The following FBXW11 variants were observed in gnomAD, a reference collection of about 807,000 sequenced individuals.
FBXW11 encodes F-box/WD repeat-containing protein 11.
In FBXW11, 19 loss-of-function variants were observed where a neutral mutation model predicts 77.6. The observed-to-expected ratio is 0.24, with a 90% CI of 0.17 to 0.36. The LOEUF is 0.36. Ranked by LOEUF, FBXW11 falls within the 10% of genes least tolerant of loss-of-function variation. The pLI, the probability that FBXW11 is intolerant of heterozygous loss-of-function variation, is 1.00. For synonymous variants in FBXW11, 235 were observed against 249.4 expected (o/e 0.94, Z 0.54); for missense variants, 334 against 704.2 (o/e 0.47, Z 5.95).
chr5:171,960,305 G>A (rs1340234090), intron 1 of FBXW11, among the ~76,000 whole-genome samples: 2 of 152,168 alleles, frequency 1.3e-5, no homozygotes, highest in Non-Finnish European at 2.9e-5. Flanking sequence ...AGCTTGGAAG[G>A]TGGAGGTTGC....
intron 1 of FBXW11, among the ~76,000 whole-genome samples, chr5:171,970,996 T>C (rs7722314): frequency 0.86 from 131,100 of 152,202 alleles, 57,754 homozygotes; most frequent in East Asian, 1. Flanking sequence ...TCACATTGTT[T>C]GAATCCTGCA....
intron 12 of FBXW11, among the ~76,000 whole-genome samples, 163 bp from the exon 13 acceptor site, chr5:171,868,959 T>C (rs1414485517): frequency 9.2e-5 from 14 of 152,242 alleles, no homozygotes; most frequent in Non-Finnish European, 1.9e-4. Context: ...GAACAAATGT[T>C]CTTCTTTCTT....
chr5:171,864,031 T>C lies in FBXW11; in HGVS notation c.*96A>G, dbSNP rs1375650969. 1 of 152,146 alleles carries C rather than the reference T, an allele frequency of 6.6e-6. No homozygotes were observed. Among genetic ancestry groups the C allele is most frequent in the Non-Finnish European group, 1.5e-5 (1 of 68,010 alleles). 9.4% of individuals were successfully genotyped at this position (152,146 alleles called of 1,614,324 possible). A position where few individuals can be genotyped will look rare whatever the true frequency, so the allele number is the denominator to read the frequency against. Reference sequence around the variant, plus strand: ...GCGTCTAGAACCAATTCCAGCTTCATAACTCAGCTGTGAACGAACTCCCTT... The same window carrying C: ...GCGTCTAGAACCAATTCCAGCTTCACAACTCAGCTGTGAACGAACTCCCTT... On this transcript the variant is annotated 3_prime_UTR_variant, in exon 14 of 14. Coordinates refer to ENST00000517395, the MANE Select transcript of FBXW11 (RefSeq NM_001378974.1).
At chr5:171,948,816 A>C (rs1763155683) in intron 2 of FBXW11, among the ~76,000 whole-genome samples, 2 of 152,212 alleles carry the variant, frequency 1.3e-5, no homozygotes. Flanking sequence ...GTGAAACCTT[A>C]ATCTATCATA....
chr5:171,915,465 G>T (rs839293), intron 2 of FBXW11, among the ~76,000 whole-genome samples: 10,374 of 152,156 alleles, frequency 0.068, 906 homozygotes, highest in African/African-American at 0.21. Context: ...AAATACCAAT[G>T]TAGGTAATGA....
chr5:171,992,600 T>C (rs916358146), intron 1 of FBXW11, among the ~76,000 whole-genome samples: 4 of 152,162 alleles, frequency 2.6e-5, no homozygotes, highest in Admixed American at 1.3e-4. Flanking sequence ...ACATGACATA[T>C]GATCTCAGGT....
intron 7 of FBXW11, among the ~76,000 whole-genome samples, chr5:171,879,107 G>C (rs1159862360): frequency 6.6e-6 from 1 of 152,158 alleles, no homozygotes; most frequent in Non-Finnish European, 1.5e-5. Flanking sequence ...AAAATGTTGT[G>C]AACAGTTGTT....
chr5:171,884,487 T>G (rs1009608350), intron 7 of FBXW11, among the ~76,000 whole-genome samples: 40 of 152,226 alleles, frequency 2.6e-4, no homozygotes, highest in Admixed American at 3.9e-4. Flanking sequence ...TGCCTCCAGA[T>G]TTATTCTTTT....
At chr5:171,928,670 G>A (rs1230716893) in intron 2 of FBXW11, among the ~76,000 whole-genome samples, 1 of 152,166 alleles carries the variant, frequency 6.6e-6, no homozygotes, top group African/African-American at 2.4e-5. Flanking sequence ...TATGATAAAG[G>A]TCATATAATG....
At chr5:171,902,710 A>G (rs1269491954) in intron 4 of FBXW11, among the ~76,000 whole-genome samples, 6 of 152,246 alleles carry the variant, frequency 3.9e-5, no homozygotes, top group Non-Finnish European at 8.8e-5. Flanking sequence ...ATAGTTCTGC[A>G]TACTGATTTT....
At chr5:171,944,129 C>A (rs577054798) in intron 2 of FBXW11, among the ~76,000 whole-genome samples, 1 of 152,082 alleles carries the variant, frequency 6.6e-6, no homozygotes, top group South Asian at 2.1e-4. Context: ...AAGACAATGT[C>A]AAATTATGCT....
At chr5:171,866,713 T>G (rs1409201256) in intron 13 of FBXW11, among the ~76,000 whole-genome samples, 1 of 152,222 alleles carries the variant, frequency 6.6e-6, no homozygotes. Context: ...AGTTTTTACT[T>G]GGGTCCATTC....
Position 171,869,805 on chromosome 5 carries a change from T to C in FBXW11, c.1454A>G (p.Lys485Arg). ...AGCTTGCAAGTCCCAAACTTTAATT[T>C]TCCTAGAAAGGAAAATGAGATGTGA... ...KRIVSGAYDG[K>R]IKVWDLQAAL... is the part of the protein sequence containing the mutation. Residue 485 changes from lysine to arginine, a missense_variant and splice_region_variant, in exon 12 of 14, where the codon AAA (lysine) becomes AGA (arginine). Physicochemically the swap from Lys to Arg is conservative, Grantham distance 26. Around this residue, in one of 10 missense-constraint regions of FBXW11, gnomAD observed 30 missense variants for 50.7 expected, o/e 0.59. Transcript: ENST00000517395. This position sits in a 1 kb window ranked among gnomAD's most constrained non-coding sequence, Gnocchi z 4.1. The C allele has an allele frequency of 6.2e-7, 1 of 1,604,704 alleles. No individual in the cohort carries two copies. The highest frequency in any genetic ancestry group is 8.5e-7 in the Non-Finnish European group (1 of 1,174,884).
intron 2 of FBXW11, among the ~76,000 whole-genome samples, chr5:171,917,559 T>C (rs1035318914): frequency 1.1e-4 from 17 of 152,314 alleles, no homozygotes; most frequent in African/African-American, 4.1e-4. Flanking sequence ...GCTGCAATAG[T>C]TCTCCCATCC....
intron 2 of FBXW11, chr5:171,916,345 C>T (rs839294): frequency 0.93 from 567,375 of 609,300 alleles, 264,304 homozygotes; most frequent in East Asian, 1. Flanking sequence ...TCCAGATGGC[C>T]GCCTATGGGG....
intron 2 of FBXW11, among the ~76,000 whole-genome samples, chr5:171,948,290 T>C (rs368134864): frequency 2.1e-5 from 3 of 142,094 alleles, no homozygotes; most frequent in East Asian, 2.1e-4. Flanking sequence ...TATAAACCTA[T>C]ATAAAAACAA....
intron 1 of FBXW11, among the ~76,000 whole-genome samples, chr5:171,975,703 CAG>C (rs1450305248): frequency 5.3e-5 from 8 of 152,116 alleles, no homozygotes; most frequent in Non-Finnish European, 7.4e-5. Context: ...TTAAAAGAAA[CAG>C]GGGGTGTAAA....
chr5:171,891,990 T>C (rs376664579), intron 6 of FBXW11, among the ~76,000 whole-genome samples: 10 of 152,320 alleles, frequency 6.6e-5, no homozygotes, highest in African/African-American at 2.4e-4. Flanking sequence ...ACAATCTACA[T>C]ATCCAAACAA....
intron 1 of FBXW11, among the ~76,000 whole-genome samples, chr5:172,003,742 T>C (rs1766559496): frequency 6.6e-6 from 1 of 152,208 alleles, no homozygotes. Flanking sequence ...TTAACTATTC[T>C]GCTATCACCA....
Sources: gnomAD v4.1 joint callset for allele counts (sites outside exome capture counted in the v4.1 genomes callset) on GRCh38, gnomAD v4.1.1 for gene constraint, gnomAD v4.1.1 regional missense constraint, Gnocchi (gnomAD v3.1) non-coding constraint, MANE v1.5 for transcripts, NCBI Gene and HGNC (gene_info 2026-07-23, HGNC 2026-07-21) for gene names.